VAC14: variants seen among roughly 807,000 people sequenced by gnomAD.
VAC14 encodes the protein protein VAC14 homolog.
A neutral mutation model predicts 85.3 loss-of-function variants in VAC14; 47 were observed. That is an observed-to-expected ratio of 0.55 (90% confidence interval 0.44 to 0.70). VAC14 has a LOEUF of 0.70. Among genes scored for constraint, VAC14 ranks in the 30% least tolerant of loss-of-function variants. VAC14 has a pLI of 0.00. For missense variants in VAC14, 861 were observed against 1,004.3 expected (o/e 0.86, Z 1.93); for synonymous variants, 447 against 430.5 (o/e 1.04, Z -0.47).
In VAC14 at chr16:70,687,669, C is replaced by T; in HGVS notation, c.*259G>A. 1 of 374,334 alleles carries T rather than the reference C, an allele frequency of 2.7e-6. No homozygotes were observed. The highest frequency in any genetic ancestry group is 1.1e-4 in the South Asian group (1 of 8,844). The allele number at this position is 374,334 out of a possible 1,614,324, so 23.2% of individuals were successfully genotyped here. A position where few individuals can be genotyped will look rare whatever the true frequency, so the allele number is the denominator to read the frequency against. On this transcript the variant is annotated 3_prime_UTR_variant, in exon 19 of 19. Transcript: ENST00000261776. The stretch of plus-strand genomic sequence containing the variant: ...AGGTTGATTCCAGAGGATGAGTGGT[C>T]TCTGAGGCTATAGCCCCCCACTGGG...
intron 1 of VAC14, among the ~76,000 whole-genome samples, chr16:70,794,303 G>A (rs930535470): frequency 2.0e-5 from 3 of 152,204 alleles, no homozygotes; most frequent in East Asian, 1.9e-4. Context: ...ATTCCCCCGC[G>A]CCCTAGGCAA....
chr16:70,772,285 G>C, intron 9 of VAC14, 113 bp from the exon 10 acceptor site: 1 of 897,626 alleles, frequency 1.1e-6, no homozygotes, highest in East Asian at 2.5e-5. Flanking sequence ...CCTTGATTCA[G>C]GCTCTTCAAA....
rs142313028 is a variant in VAC14, at chr16:70,701,331, A to T, written c.1662-2520T>A. Reference sequence around the variant, plus strand: ...CCTGGCCACCTAGCAGGCATTTCAAACCTTGCTGGGCCACAACCAGCCCTT... The same window carrying T: ...CCTGGCCACCTAGCAGGCATTTCAATCCTTGCTGGGCCACAACCAGCCCTT... On this transcript the variant is annotated intron_variant, in intron 14 of 18. Coordinates refer to ENST00000261776, the MANE Select transcript of VAC14 (RefSeq NM_018052.5). Among the ~76,000 whole-genome samples the T allele has an allele frequency of 1.5e-4, 23 of 151,892 alleles. No homozygotes were observed. In the East Asian group the frequency reaches 3.9e-3, roughly 26 times the overall value.
intron 14 of VAC14, among the ~76,000 whole-genome samples, chr16:70,721,520 T>C (rs2054292234): frequency 6.6e-6 from 1 of 152,028 alleles, no homozygotes; most frequent in South Asian, 2.1e-4. Context: ...GAGAGGTCTC[T>C]GTGGGGATTT....
intron 14 of VAC14, among the ~76,000 whole-genome samples, chr16:70,718,672 AGT>A (rs2054220562): frequency 6.6e-6 from 1 of 151,816 alleles, no homozygotes; most frequent in African/African-American, 2.4e-5. Flanking sequence ...TCGTGGGAAG[AGT>A]GACCCCTTTC....
chr16:70,722,030 C>T (rs2054306110), intron 14 of VAC14, among the ~76,000 whole-genome samples: 1 of 152,188 alleles, frequency 6.6e-6, no homozygotes, highest in Admixed American at 6.5e-5. Context: ...CAGTTGAGAA[C>T]CTAGGACTGG....
intron 10 of VAC14, chr16:70,770,064 C>G (rs925006318): frequency 6.6e-6 from 1 of 152,516 alleles, no homozygotes; most frequent in Non-Finnish European, 1.5e-5. Context: ...TCTGCCTCCC[C>G]CTTTCTCCTG....
chr16:70,754,723 C>T (rs866011533), intron 12 of VAC14, among the ~76,000 whole-genome samples: 18 of 152,278 alleles, frequency 1.2e-4, no homozygotes, highest in Middle Eastern at 6.8e-3. Context: ...ACCGACACGG[C>T]ACCCCTCCAT....
At chr16:70,724,288 C>T (rs1253303124) in intron 14 of VAC14, among the ~76,000 whole-genome samples, 1 of 152,172 alleles carries the variant, frequency 6.6e-6, no homozygotes, top group Non-Finnish European at 1.5e-5. Context: ...ACTGTGGGGA[C>T]TGCTTGGAGG....
intron 14 of VAC14, among the ~76,000 whole-genome samples, chr16:70,719,730 G>A (rs887027710): frequency 1.3e-5 from 2 of 152,172 alleles, no homozygotes; most frequent in Non-Finnish European, 2.9e-5. Flanking sequence ...ACCAAGTGTT[G>A]GTGAGGACGT....
intron 13 of VAC14, among the ~76,000 whole-genome samples, chr16:70,739,880 C>G (rs1267607670): frequency 1.3e-5 from 2 of 152,186 alleles, no homozygotes; most frequent in East Asian, 3.8e-4. Context: ...AAGAACAGGT[C>G]ATTATCACCC....
At chr16:70,722,234 G>C (rs2054311778) in intron 14 of VAC14, among the ~76,000 whole-genome samples, 1 of 152,208 alleles carries the variant, frequency 6.6e-6, no homozygotes, top group Non-Finnish European at 1.5e-5. Context: ...CTATGAAGTG[G>C]ACTTGGCCCA....
chr16:70,699,162 G>GCC (rs71387537), intron 14 of VAC14: 97,447 of 234,598 alleles, frequency 0.42, 25,411 homozygotes, highest in Non-Finnish European at 0.55. Flanking sequence ...CTGAGCAATG[G>GCC]CCCCCACCCC....
chr16:70,693,402 C>G (rs767090866), intron 17 of VAC14, among the ~76,000 whole-genome samples: 2 of 152,174 alleles, frequency 1.3e-5, no homozygotes, highest in South Asian at 2.1e-4. Context: ...CGTGCCAGCA[C>G]GGGAGAGCTA....
At chr16:70,718,058 G>A (rs1392494933) in intron 14 of VAC14, among the ~76,000 whole-genome samples, 1 of 152,254 alleles carries the variant, frequency 6.6e-6, no homozygotes, top group Admixed American at 6.5e-5. Context: ...AGCTGAGCCC[G>A]AGGGAGCAGT....
chr16:70,765,252 C>T (rs1009552281), intron 10 of VAC14, among the ~76,000 whole-genome samples: 2 of 152,164 alleles, frequency 1.3e-5, no homozygotes, highest in African/African-American at 4.8e-5. Context: ...AAACAGTACC[C>T]CCTGGGAGGA....
chr16:70,800,342 C>CA (rs1286941312), intron 1 of VAC14, among the ~76,000 whole-genome samples: 6 of 152,190 alleles, frequency 3.9e-5, no homozygotes, highest in Admixed American at 3.9e-4. Context: ...GTTTTCCGAC[C>CA]TGATTTCTCT....
chr16:70,692,957 G>C lies in VAC14; in HGVS notation c.2050C>G (p.Leu684Val), dbSNP rs752121412. 1 of 1,610,974 alleles carries C rather than the reference G, an allele frequency of 6.2e-7. No individual in the cohort carries two copies. The highest frequency in any genetic ancestry group is 1.3e-5 in the African/African-American group (1 of 75,058). The change falls in exon 18 of 19, where the codon CTG becomes GTG. Residue 684 changes from leucine to valine, a missense_variant. By Grantham distance (32) the Leu-to-Val change is conservative. Around this residue, in one of 3 missense-constraint regions of VAC14, gnomAD observed 163 missense variants for 162.2 expected, o/e 1.00. Coordinates refer to ENST00000261776, the MANE Select transcript of VAC14 (RefSeq NM_018052.5). ...TAGGGGTTGTTCTTCACGTCCAGCAGCTGCAGGCGCAGATCTGGGGTAGGC... is the reference window on the plus strand; with the variant it reads ...TAGGGGTTGTTCTTCACGTCCAGCACCTGCAGGCGCAGATCTGGGGTAGGC... ...CPIFTYLRLQ[L>V]LDVKNNPYLI...
intron 14 of VAC14, among the ~76,000 whole-genome samples, chr16:70,727,482 G>A (rs957085421): frequency 6.6e-6 from 1 of 152,178 alleles, no homozygotes; most frequent in Non-Finnish European, 1.5e-5. Flanking sequence ...TGGGATTATA[G>A]GCATGTGCCA....
Sources: allele counts gnomAD v4.1 joint callset (sites outside exome capture counted in the v4.1 genomes callset), GRCh38; gene constraint gnomAD v4.1.1; regional missense constraint gnomAD v4.1.1; transcripts MANE v1.5; gene names NCBI Gene and HGNC (gene_info 2026-07-23, HGNC 2026-07-21).